Variants in MMP10 observed in about 807,000 individuals in gnomAD.
MMP10 encodes stromelysin-2.
A neutral mutation model predicts 49.1 loss-of-function variants in MMP10; 50 were observed. That is an observed-to-expected ratio of 1.02 (90% CI 0.81 to 1.29). The LOEUF is 1.29. Among genes scored for constraint, MMP10 ranks in the 50% most tolerant of loss-of-function variants. MMP10 has a pLI of 0.00. For synonymous variants in MMP10, 229 were observed against 201.6 expected, an observed-to-expected ratio of 1.14 and a Z score of -1.15; for missense variants, 613 against 563.8, an observed-to-expected ratio of 1.09 and a Z score of -0.88.
Position 102,770,801 on chromosome 11 carries a change from G to A in MMP10, c.1423C>T (p.His475Tyr), listed in dbSNP as rs1434501931. The A allele has an allele frequency of 6.2e-7, 1 of 1,601,838 alleles. No homozygotes were observed. Among genetic ancestry groups the A allele is most frequent in the South Asian group, 1.1e-5 (1 of 89,520 alleles). Reference protein sequence around the residue: ...THILKSNSWLHC With the variant: ...THILKSNSWLYC The stretch of plus-strand genomic sequence containing the variant: ...TCTTCCCCCTATCTCGCCTAGCAAT[G>A]TAACCAGCTGTTACTCTTTAATATG... Residue 475 changes from histidine (H) to tyrosine (Y), a missense_variant, in exon 10 of 10, where the codon CAT becomes TAT. By Grantham distance (83) the His-to-Tyr change is moderately conservative (BLOSUM62 2). Coordinates refer to ENST00000279441, the MANE Select transcript of MMP10 (RefSeq NM_002425.3).
intron 2 of MMP10, 22 bp downstream of exon 2, chr11:102,779,482 G>A: frequency 6.2e-7 from 1 of 1,612,608 alleles, no homozygotes; most frequent in South Asian, 1.1e-5. Flanking sequence ...AATATTATGT[G>A]AAAACTAATC....
At chr11:102,779,860 T>A in intron 1 of MMP10, 115 bp from the exon 2 acceptor site, 1 of 1,224,210 alleles carries the variant, frequency 8.2e-7, no homozygotes, top group Non-Finnish European at 1.1e-6. Flanking sequence ...CTATCACATT[T>A]AATTTGATTT....
Position 102,772,762 on chromosome 11 carries a change from G to A in MMP10, c.1226+85C>T. 7.4e-7 allele frequency: 1 copy of A among 1,344,928 alleles called. No homozygotes were observed. The highest frequency in any genetic ancestry group is 2.4e-5 in the East Asian group (1 of 42,308). 83.3% of individuals were successfully genotyped at this position (1,344,928 alleles called of 1,614,324 possible). A position where few individuals can be genotyped will look rare whatever the true frequency, so the allele number is the denominator to read the frequency against. ...TGAAGTTAGAGAAAGTTAGAGGGTGGGTGTAGGGTAGGGAAATATCCTTAA... is the reference window on the plus strand; with the variant it reads ...TGAAGTTAGAGAAAGTTAGAGGGTGAGTGTAGGGTAGGGAAATATCCTTAA... On this transcript the variant is annotated intron_variant, in intron 8 of 9. Coordinates refer to ENST00000279441, the MANE Select transcript of MMP10 (RefSeq NM_002425.3). This position sits in a 1 kb window ranked among gnomAD's most constrained non-coding sequence, Gnocchi z 4.4.
intron 9 of MMP10, 92 bp downstream of exon 9, chr11:102,771,919 TG>T (rs1293361470): frequency 1.2e-6 from 1 of 808,238 alleles, no homozygotes; most frequent in Admixed American, 2.5e-5. Flanking sequence ...TCAGACTGAA[TG>T]ATTTAAAAAC....
intron 3 of MMP10, 36 bp downstream of exon 3, chr11:102,779,177 G>A: frequency 2.5e-6 from 4 of 1,609,870 alleles, no homozygotes; most frequent in Non-Finnish European, 3.4e-6. Context: ...CTGAACAGAT[G>A]AATACACCAG....
chr11:102,772,324 G>C lies in MMP10; in HGVS notation c.1227-209C>G, dbSNP rs967948309. Among the ~76,000 whole-genome samples the C allele has an allele frequency of 1.3e-5, 2 of 152,146 alleles. No individual in the cohort carries two copies. The highest frequency in any genetic ancestry group is 4.8e-5 in the African/African-American group (2 of 41,434). On this transcript the variant is annotated intron_variant, in intron 8 of 9. Transcript: ENST00000279441. The surrounding 1 kb of genome is among the most constrained non-coding windows in gnomAD (Gnocchi z 4.4). ...CATAAAACAATATTTTCCAGAAACA[G>C]GAACATTATGCCATTTTACAGAGGT...
At chr11:102,773,154 C>CTGAA (rs1354942982) in intron 7 of MMP10, 148 bp from the exon 8 acceptor site, 14 of 570,654 alleles carry the variant, frequency 2.5e-5, no homozygotes, top group African/African-American at 1.9e-4. Flanking sequence ...TAAATACTCC[C>CTGAA]TGAATGAGCG....
intron 9 of MMP10, among the ~76,000 whole-genome samples, chr11:102,771,145 A>C (rs1455564455): frequency 6.6e-6 from 1 of 152,216 alleles, no homozygotes; most frequent in African/African-American, 2.4e-5. Flanking sequence ...ATCTGTAAGG[A>C]AGGAAGGAGG....
chr11:102,779,787 C>A, intron 1 of MMP10, 42 bp from the exon 2 acceptor site: 1 of 1,578,858 alleles, frequency 6.3e-7, no homozygotes. Context: ...TGTGATTTTC[C>A]ATCATTTATC....
At chr11:102,777,649 T>C (rs1458455081) in intron 4 of MMP10, among the ~76,000 whole-genome samples, 1 of 152,206 alleles carries the variant, frequency 6.6e-6, no homozygotes, top group Non-Finnish European at 1.5e-5. Context: ...ACATGCCCAA[T>C]AACAGTTTTC....
rs766970277 is a variant in MMP10 at position 102,778,740 on chromosome 11, T to C, written c.506A>G (p.Asp169Gly). The change falls in exon 4 of 10, where the codon GAC (aspartate) becomes GGC (glycine). Residue 169 changes from aspartate to glycine, a missense_variant. Physicochemically the swap from Asp to Gly is moderately conservative, Grantham distance 94 (BLOSUM62 -1). Coordinates refer to ENST00000279441, the MANE Select transcript of MMP10 (RefSeq NM_002425.3). Reference sequence around the variant, plus strand: ...TCCTGGGCCATCAAAAGAGTAAAAGTCTCCATGTTCTGATAGGGAACAAAT... The same window carrying C: ...TCCTGGGCCATCAAAAGAGTAAAAGCCTCCATGTTCTGATAGGGAACAAAT... ...MISFAVKEHG[D>G]FYSFDGPGHS... The C allele has an allele frequency of 3.7e-6, 6 of 1,613,668 alleles. No homozygotes were observed. Among genetic ancestry groups the C allele is most frequent in the Non-Finnish European group, 5.1e-6 (6 of 1,179,856 alleles).
chr11:102,779,881 C>G (rs1857801948), intron 1 of MMP10, 136 bp from the exon 2 acceptor site: 17 of 976,834 alleles, frequency 1.7e-5, no homozygotes, highest in Non-Finnish European at 2.5e-5. Flanking sequence ...TTCATTAAGA[C>G]TCCCCATTTC....
chr11:102,771,879 G>T, intron 9 of MMP10, 133 bp downstream of exon 9: 2 of 669,420 alleles, frequency 3.0e-6, no homozygotes, highest in Admixed American at 2.8e-5. Flanking sequence ...GGAAAGTTAA[G>T]ATTTTCAGGA....
At chr11:102,771,803 A>T (rs1861978129) in intron 9 of MMP10, among the ~76,000 whole-genome samples, 1 of 120,812 alleles carries the variant, frequency 8.3e-6, no homozygotes, top group Admixed American at 8.9e-5. Context: ...CTAGGAAGTT[A>T]TTCAGGAAAA....
Position 102,778,665 on chromosome 11 carries a change from A to G in MMP10, c.581T>C (p.Ile194Thr). 2 of 1,614,030 alleles carry G rather than the reference A, an allele frequency of 1.2e-6. No individual in the cohort carries two copies. Among genetic ancestry groups the G allele is most frequent in the Non-Finnish European group, 1.7e-6 (2 of 1,179,960 alleles). ...CCATTTTTCATCATCATCAAAGTGA[A>G]TATCTCCATAAAGCCCAGGTCCAGG... ...YPPGPGLYGD[I>T]HFDDDEKWTE... is the part of the protein sequence containing the mutation. The change falls in exon 4 of 10, where the codon ATT (isoleucine) becomes ACT (threonine). Residue 194 changes from isoleucine to threonine, a missense_variant. Ile to Thr is a moderately conservative substitution (Grantham distance 89, BLOSUM62 -1). Coordinates refer to ENST00000279441, the MANE Select transcript of MMP10 (RefSeq NM_002425.3).
At chr11:102,776,812 C>A in intron 4 of MMP10, 36 bp from the exon 5 acceptor site, 1 of 1,612,492 alleles carries the variant, frequency 6.2e-7, no homozygotes, top group Non-Finnish European at 8.5e-7. Flanking sequence ...AATTCACCAG[C>A]TCTTTCTTCC....
chr11:102,776,716 G>A lies in MMP10; in HGVS notation c.683C>T (p.Ser228Leu), dbSNP rs1362778907. 2 of 1,614,054 alleles carry A rather than the reference G, an allele frequency of 1.2e-6. No individual in the cohort carries two copies. The highest frequency in any genetic ancestry group is 8.5e-7 in the Non-Finnish European group (1 of 1,179,960). The part of the protein sequence containing the change: ...ELGHSLGLFH[S>L]ANTEALMYPL... ...GTACATCAAAGCTTCAGTGTTGGCT[G>A]AGTGAAAGAGCCCCAGGGAGTGGCC... Residue 228 changes from serine (S) to leucine (L), a missense_variant, in exon 5 of 10, where the codon TCA (serine) becomes TTA (leucine). Ser to Leu is a moderately radical substitution (Grantham distance 145, BLOSUM62 -2). Coordinates refer to ENST00000279441, the MANE Select transcript of MMP10 (RefSeq NM_002425.3).
intron 7 of MMP10, among the ~76,000 whole-genome samples, chr11:102,773,577 T>C (rs879576769): frequency 2.6e-5 from 4 of 152,234 alleles, no homozygotes; most frequent in African/African-American, 4.8e-5. Flanking sequence ...TGTCCATCTG[T>C]TGTTTATCTC....
intron 5 of MMP10, 33 bp from the exon 6 acceptor site, chr11:102,776,457 A>C (rs763833957): frequency 2.5e-5 from 38 of 1,511,188 alleles, no homozygotes; most frequent in South Asian, 2.2e-4. Context: ...TGCAAACATT[A>C]AAAAAAAATG....
Sources: allele counts gnomAD v4.1 joint callset (sites outside exome capture counted in the v4.1 genomes callset), GRCh38; gene constraint gnomAD v4.1.1; non-coding constraint Gnocchi (gnomAD v3.1); transcripts MANE v1.5; gene names NCBI Gene and HGNC (gene_info 2026-07-23, HGNC 2026-07-21).